The following SCUBE3 variants were observed in gnomAD, a reference collection of about 807,000 sequenced individuals.
The protein encoded by SCUBE3 is signal peptide, CUB and EGF-like domain-containing protein 3.
SCUBE3 carries 33 observed loss-of-function variants against 116.8 expected under a neutral mutation model. That is an observed-to-expected ratio of 0.28 (90% CI 0.21 to 0.38). SCUBE3 has a LOEUF of 0.38. Among genes scored for constraint, SCUBE3 ranks in the 10% least tolerant of loss-of-function variants. The pLI is 1.00. For synonymous variants in SCUBE3, 418 were observed against 496.9 expected (o/e 0.84, Z 2.11); for missense variants, 1,007 against 1,324.8 (o/e 0.76, Z 3.72).
intron 14 of SCUBE3, 41 bp from the exon 15 acceptor site, chr6:35,242,980 A>T: frequency 2.5e-6 from 4 of 1,597,430 alleles, no homozygotes; most frequent in Non-Finnish European, 3.4e-6. Context: ...GCTCACAGCA[A>T]CTCTTTCTCC....
rs1784069993 is a variant in SCUBE3, at chr6:35,241,828, G to A, written c.1335G>A (p.Val445=). Residue 445 remains valine, a synonymous_variant, in exon 12 of 22, where the codon GTG becomes GTA. Transcript: ENST00000274938. This position sits in a 1 kb window ranked among gnomAD's most constrained non-coding sequence, Gnocchi z 4.1. Reference sequence around the variant, plus strand: ...CAGAGTCTGAGAATGGCTTCACGGTGAGCTGTGGGACCCCCAGCCCCAGGG... The same window carrying A: ...CAGAGTCTGAGAATGGCTTCACGGTAAGCTGTGGGACCCCCAGCCCCAGGG... ...FLPESENGFT[V]SCGTPSPRAA... 2 of 1,613,378 alleles carry A rather than the reference G, an allele frequency of 1.2e-6. No homozygotes were observed. The highest frequency in any genetic ancestry group is 1.3e-5 in the African/African-American group (1 of 75,050).
intron 21 of SCUBE3, among the ~76,000 whole-genome samples, chr6:35,247,972 G>A (rs998286672): frequency 6.6e-5 from 10 of 152,244 alleles, no homozygotes; most frequent in African/African-American, 1.9e-4. Flanking sequence ...GAGCAATTTA[G>A]TGTGTTCAGG....
intron 20 of SCUBE3, 33 bp downstream of exon 20, chr6:35,246,129 A>G: frequency 6.2e-7 from 1 of 1,613,458 alleles, no homozygotes; most frequent in Non-Finnish European, 8.5e-7. Context: ...AAGGGGAGGT[A>G]TGTCAGTTTT....
chr6:35,249,867 C>T lies in SCUBE3; in HGVS notation c.*1162C>T, dbSNP rs1201933542. The T allele has an allele frequency of 1.3e-5, 2 of 152,658 alleles. No individual in the cohort carries two copies. The highest frequency in any genetic ancestry group is 2.9e-5 in the Non-Finnish European group (2 of 68,052). 9.5% of individuals were successfully genotyped at this position (152,658 alleles called of 1,614,324 possible). A position where few individuals can be genotyped will look rare whatever the true frequency, so the allele number is the denominator to read the frequency against. On this transcript the variant is annotated 3_prime_UTR_variant, in exon 22 of 22. Transcript: ENST00000274938. ...GAGCCTCCTGCCCACCCTGTCCACACCTAATAAGTGCAATCATTTTGAGTC... is the reference window on the plus strand; with the variant it reads ...GAGCCTCCTGCCCACCCTGTCCACATCTAATAAGTGCAATCATTTTGAGTC...
In SCUBE3 at chr6:35,240,011, T is replaced by C. The variant is rs537396863; in HGVS notation, c.952+137T>C. 2 of 712,958 alleles carry C rather than the reference T, an allele frequency of 2.8e-6. No individual in the cohort carries two copies. The highest frequency in any genetic ancestry group is 2.3e-5 in the South Asian group (1 of 43,518). The allele number at this position is 712,958 out of a possible 1,614,324, so 44.2% of individuals were successfully genotyped here. ...CTAGAGGCAGTGTCATCCTGCAAAT[T>C]AGCAAATGGTACTCTTTCCCCTCAG... On this transcript the variant is annotated intron_variant, in intron 8 of 21. Coordinates refer to ENST00000274938, the MANE Select transcript of SCUBE3 (RefSeq NM_152753.4). This position sits in a 1 kb window ranked among gnomAD's most constrained non-coding sequence, Gnocchi z 4.6.
At position 35,240,515 on chromosome 6, in the gene SCUBE3, A is replaced by C. The variant is rs1218568790; in HGVS notation, c.1069+25A>C. On this transcript the variant is annotated intron_variant, in intron 9 of 21. Coordinates refer to ENST00000274938, the MANE Select transcript of SCUBE3 (RefSeq NM_152753.4). The surrounding 1 kb of genome is among the most constrained non-coding windows in gnomAD (Gnocchi z 4.6). The stretch of plus-strand genomic sequence containing the variant: ...GGTAAGCTAGTAAGCTTGCACCCCC[A>C]GCCACCCTGGCCCCCTCACCTCTTC... The C allele has an allele frequency of 2.3e-6, 3 of 1,287,040 alleles. No individual in the cohort carries two copies. Among genetic ancestry groups the C allele is most frequent in the South Asian group, 1.3e-5 (1 of 78,592 alleles). 79.7% of individuals were successfully genotyped at this position (1,287,040 alleles called of 1,614,324 possible).
intron 1 of SCUBE3, chr6:35,218,291 G>A (rs1783001319): frequency 3.9e-6 from 1 of 254,802 alleles, no homozygotes; most frequent in Non-Finnish European, 6.2e-6. Context: ...TCTGGTGAGA[G>A]GAAAAAGGAA....
At position 35,243,526 on chromosome 6, in the gene SCUBE3, G is replaced by C; in HGVS notation, c.1910-68G>C. Reference sequence around the variant, plus strand: ...CGGGGGTTGTGGCGGGGAGTGGGAAGGGGAGTCCCAGGCCTGGGTGGTGGG... The same window carrying C: ...CGGGGGTTGTGGCGGGGAGTGGGAACGGGAGTCCCAGGCCTGGGTGGTGGG... On this transcript the variant is annotated intron_variant, in intron 15 of 21. Transcript: ENST00000274938. This position sits in a 1 kb window ranked among gnomAD's most constrained non-coding sequence, Gnocchi z 6.6. The C allele has an allele frequency of 7.1e-7, 1 of 1,400,658 alleles. No homozygotes were observed. Among genetic ancestry groups the C allele is most frequent in the Non-Finnish European group, 9.7e-7 (1 of 1,033,532 alleles). The allele number at this position is 1,400,658 out of a possible 1,614,324, so 86.8% of individuals were successfully genotyped here. A position where few individuals can be genotyped will look rare whatever the true frequency, so the allele number is the denominator to read the frequency against.
At position 35,245,798 on chromosome 6, in the gene SCUBE3, G is replaced by T. The variant is rs565613862; in HGVS notation, c.2600-146G>T. 5.0e-4 allele frequency: 416 copies of T among 829,054 alleles called. 1 individual carries two copies. The African/African-American group carries it at 6.7e-3, about 13-fold the overall frequency. The allele number at this position is 829,054 out of a possible 1,614,324, so 51.4% of individuals were successfully genotyped here. A position where few individuals can be genotyped will look rare whatever the true frequency, so the allele number is the denominator to read the frequency against. ...CAGTGGGCAATGGGAGAGGGTGTGG[G>T]GTAGGGTGTGTGTATGCGAAGGGGG... On this transcript the variant is annotated intron_variant, in intron 19 of 21. Coordinates refer to ENST00000274938, the MANE Select transcript of SCUBE3 (RefSeq NM_152753.4). The surrounding 1 kb of genome is among the most constrained non-coding windows in gnomAD (Gnocchi z 4.2).
rs1266282690 is a variant in SCUBE3 at position 35,240,514 on chromosome 6, C to G, written c.1069+24C>G. The G allele has an allele frequency of 1.5e-6, 2 of 1,298,608 alleles. No individual in the cohort carries two copies. Among genetic ancestry groups the G allele is most frequent in the Admixed American group, 3.7e-5 (2 of 53,958 alleles). The allele number at this position is 1,298,608 out of a possible 1,614,324, so 80.4% of individuals were successfully genotyped here. On this transcript the variant is annotated intron_variant, in intron 9 of 21. Transcript: ENST00000274938. The surrounding 1 kb of genome is among the most constrained non-coding windows in gnomAD (Gnocchi z 4.6). ...GGGTAAGCTAGTAAGCTTGCACCCC[C>G]AGCCACCCTGGCCCCCTCACCTCTT...
rs1241434199 is a variant in SCUBE3 at position 35,228,186 on chromosome 6, T to C, written c.209-428T>C. The stretch of plus-strand genomic sequence containing the variant: ...GACTTTAGTGGACAGGGTACACTTG[T>C]TAATTCCTAGTTGCATTATAAATTG... On this transcript the variant is annotated intron_variant, in intron 2 of 21. Transcript: ENST00000274938. The surrounding 1 kb of genome is among the most constrained non-coding windows in gnomAD (Gnocchi z 4.9). 6.6e-6 allele frequency among the ~76,000 whole-genome samples: 1 copy of C among 152,254 alleles called. No individual in the cohort carries two copies. Among genetic ancestry groups the C allele is most frequent in the Non-Finnish European group, 1.5e-5 (1 of 68,042 alleles).
Position 35,244,244 on chromosome 6 carries a change from G to A in SCUBE3, c.2239+114G>A. 1.1e-6 allele frequency: 1 copy of A among 915,956 alleles called. No individual in the cohort carries two copies. The highest frequency in any genetic ancestry group is 1.6e-6 in the Non-Finnish European group (1 of 607,516). The allele number at this position is 915,956 out of a possible 1,614,324, so 56.7% of individuals were successfully genotyped here. A position where few individuals can be genotyped will look rare whatever the true frequency, so the allele number is the denominator to read the frequency against. ...ACCATTTTCTCCAAACCAGTAATGGGCCCAGCTACTTGACCAACCATACCA... is the reference window on the plus strand; with the variant it reads ...ACCATTTTCTCCAAACCAGTAATGGACCCAGCTACTTGACCAACCATACCA... On this transcript the variant is annotated intron_variant, in intron 17 of 21. Coordinates refer to ENST00000274938, the MANE Select transcript of SCUBE3 (RefSeq NM_152753.4). The surrounding 1 kb of genome is among the most constrained non-coding windows in gnomAD (Gnocchi z 4.3).
rs1031218240 is a variant in SCUBE3, at chr6:35,241,354, G to A, written c.1195+88G>A. ...GGAAAGCATAGAGTATCACATTGGG[G>A]AAAGGTGTGAGGTGGAAAGGGTGGA... On this transcript the variant is annotated intron_variant, in intron 10 of 21. Coordinates refer to ENST00000274938, the MANE Select transcript of SCUBE3 (RefSeq NM_152753.4). The surrounding 1 kb of genome is among the most constrained non-coding windows in gnomAD (Gnocchi z 4.1). The A allele has an allele frequency of 7.8e-5, 112 of 1,435,208 alleles. No homozygotes were observed. The highest frequency in any genetic ancestry group is 9.8e-5 in the Non-Finnish European group (102 of 1,043,166). The allele number at this position is 1,435,208 out of a possible 1,614,324, so 88.9% of individuals were successfully genotyped here.
rs530234601 is a variant in SCUBE3, at chr6:35,242,272, C to T, written c.1486C>T (p.Leu496=). The T allele has an allele frequency of 2.5e-6, 4 of 1,614,106 alleles. No individual in the cohort carries two copies. The highest frequency in any genetic ancestry group is 4.5e-5 in the East Asian group (2 of 44,884). The change falls in exon 13 of 22, where the codon CTG becomes TTG. Residue 496 remains leucine, a synonymous_variant. Transcript: ENST00000274938. ...CAAGGATGCCAAATGCCGTTTGCAC[C>T]TGCGAAACAAAGGCAAAACAGAGGA... The part of the protein sequence containing the change: ...KIKDAKCRLH[L]RNKGKTEEAG...
chr6:35,214,815 A>G lies in SCUBE3; in HGVS notation c.85+312A>G, dbSNP rs1782821141. Among the ~76,000 whole-genome samples the G allele has an allele frequency of 6.6e-6, 1 of 152,180 alleles. No homozygotes were observed. Among genetic ancestry groups the G allele is most frequent in the Admixed American group, 6.5e-5 (1 of 15,284 alleles). On this transcript the variant is annotated intron_variant, in intron 1 of 21. Transcript: ENST00000274938. This position sits in a 1 kb window ranked among gnomAD's most constrained non-coding sequence, Gnocchi z 6.3. Reference sequence around the variant, plus strand: ...TCTTCGAAAGACTTCTTGTCTTCCAAAATCTGAGAGAGAATTTTCTCTTCT... The same window carrying G: ...TCTTCGAAAGACTTCTTGTCTTCCAGAATCTGAGAGAGAATTTTCTCTTCT...
Position 35,235,326 on chromosome 6 carries a change from C to G in SCUBE3, c.712+2025C>G, listed in dbSNP as rs1388123297. ...CTGTCATAAGGGTCCCAGGGCTCAT[C>G]ATTTGGGGCTACTGGTTTGGGCTGG... On this transcript the variant is annotated intron_variant, in intron 6 of 21. Coordinates refer to ENST00000274938, the MANE Select transcript of SCUBE3 (RefSeq NM_152753.4). This position sits in a 1 kb window ranked among gnomAD's most constrained non-coding sequence, Gnocchi z 4.5. 4 of 435,092 alleles carry G rather than the reference C, an allele frequency of 9.2e-6. No individual in the cohort carries two copies. Among genetic ancestry groups the G allele is most frequent in the East Asian group, 7.1e-5 (1 of 14,098 alleles). The allele number at this position is 435,092 out of a possible 1,614,324, so 27.0% of individuals were successfully genotyped here.
At position 35,243,218 on chromosome 6, in the gene SCUBE3, C is replaced by T. The variant is rs756026293; in HGVS notation, c.1891C>T (p.Arg631Cys). ...PMESCRPGQH[R>C]AGTKCVSCPQ... Reference sequence around the variant, plus strand: ...GGAGTCCTGTAGGCCCGGGCAGCACCGTGCTGGGACCAAGTGTGGTAAGGG... The same window carrying T: ...GGAGTCCTGTAGGCCCGGGCAGCACTGTGCTGGGACCAAGTGTGGTAAGGG... Residue 631 changes from arginine (R) to cysteine (C), a missense_variant, in exon 15 of 22, where the codon CGT becomes TGT. Around this residue, in one of 5 missense-constraint regions of SCUBE3, gnomAD observed 544 missense variants for 638.9 expected, o/e 0.85. Transcript: ENST00000274938. This position sits in a 1 kb window ranked among gnomAD's most constrained non-coding sequence, Gnocchi z 6.6. The T allele has an allele frequency of 8.7e-6, 14 of 1,613,884 alleles. No homozygotes were observed. Among genetic ancestry groups the T allele is most frequent in the East Asian group, 2.2e-5 (1 of 44,872 alleles).
rs763905130 is a variant in SCUBE3 at position 35,242,628 on chromosome 6, C to G, written c.1541C>G (p.Ala514Gly). The stretch of plus-strand genomic sequence containing the variant: ...GACAAGCCCTCTCTCCCAGGTGGTG[C>G]CCCCTGCTCTGAATGCCAGGTCACC... ...EAGRITGPGGAPCSECQVTFI... is the reference protein window; with the variant it reads ...EAGRITGPGGGPCSECQVTFI... Residue 514 changes from alanine to glycine, a missense_variant, in exon 14 of 22, where the codon GCC becomes GGC. Physicochemically the swap from Ala to Gly is moderately conservative, Grantham distance 60 (BLOSUM62 0). Transcript: ENST00000274938. 3 of 1,607,754 alleles carry G rather than the reference C, an allele frequency of 1.9e-6. No individual in the cohort carries two copies. The highest frequency in any genetic ancestry group is 1.7e-5 in the Admixed American group (1 of 59,856).
intron 1 of SCUBE3, among the ~76,000 whole-genome samples, chr6:35,225,889 A>G (rs1170557115): frequency 2.0e-5 from 3 of 152,214 alleles, no homozygotes; most frequent in Non-Finnish European, 1.5e-5. Flanking sequence ...AGGCAATTCT[A>G]TGGCCCATAG....
Sources: gnomAD v4.1 joint callset for allele counts (sites outside exome capture counted in the v4.1 genomes callset) on GRCh38, gnomAD v4.1.1 for gene constraint, gnomAD v4.1.1 regional missense constraint, Gnocchi (gnomAD v3.1) non-coding constraint, MANE v1.5 for transcripts, NCBI Gene and HGNC (gene_info 2026-07-23, HGNC 2026-07-21) for gene names.